Variants in MECOM observed in about 807,000 individuals in gnomAD.
MECOM encodes the protein histone-lysine N-methyltransferase MECOM.
In MECOM, 13 loss-of-function variants were observed where a neutral mutation model predicts 116.3. The ratio of observed to expected loss-of-function variants is 0.11; its 90% confidence interval spans 0.07 to 0.18. The LOEUF is 0.18. Among genes scored for constraint, MECOM ranks in the 10% least tolerant of loss-of-function variants. The pLI is 1.00. For missense variants in MECOM, 1,299 were observed against 1,509.0 expected, an observed-to-expected ratio of 0.86 and a Z score of 2.31; for synonymous variants, 528 against 535.2, an observed-to-expected ratio of 0.99 and a Z score of 0.19.
intron 2 of MECOM, among the ~76,000 whole-genome samples, chr3:169,234,946 A>G (rs1352364285): frequency 6.6e-6 from 1 of 152,174 alleles, no homozygotes; most frequent in Non-Finnish European, 1.5e-5. Flanking sequence ...ATCTCACTTC[A>G]GTTGTTTTTA....
At chr3:169,576,826 CACACACACACACAG>C (rs200784825) in intron 1 of MECOM, among the ~76,000 whole-genome samples, 6,904 of 129,256 alleles carry the variant, frequency 0.053, 290 homozygotes, top group East Asian at 0.28. Flanking sequence ...CACACACACA[CACACACACACACAG>C]AGAGAGAGAG....
Position 169,124,087 on chromosome 3 carries a change from G to A in MECOM, c.831-1360C>T, listed in dbSNP as rs185185222. Among the ~76,000 whole-genome samples, 330 of 152,170 alleles carry A rather than the reference G, an allele frequency of 2.2e-3. 1 individual carries two copies. Among genetic ancestry groups the A allele is most frequent in the South Asian group, 0.016 (77 of 4,820 alleles). On this transcript the variant is annotated intron_variant, in intron 5 of 16. Coordinates refer to ENST00000651503, the MANE Select transcript of MECOM (RefSeq NM_004991.4). ...ACAATGATAGAGTTAGAGTACATTC[G>A]TTTTGAAGCTCCTAAAGAATTAATG... is the stretch of plus-strand genomic sequence containing the variant.
At chr3:169,322,378 G>C (rs67746877) in intron 2 of MECOM, among the ~76,000 whole-genome samples, 36,320 of 151,972 alleles carry the variant, frequency 0.24, 4,484 homozygotes, top group African/African-American at 0.28. Context: ...TCACAAAGAG[G>C]CTCTAGGGCT....
Position 169,525,098 on chromosome 3 carries a change from G to T in MECOM, c.37+138238C>A, listed in dbSNP as rs75921277. The stretch of plus-strand genomic sequence containing the variant: ...TATATTTACCATATCAAGAAATAAC[G>T]GAGTTTCTAATATCACAGAAACAAA... On this transcript the variant is annotated intron_variant, in intron 1 of 16. Transcript: ENST00000651503. Among the ~76,000 whole-genome samples, 3 of 151,902 alleles carry T rather than the reference G, an allele frequency of 2.0e-5. No individual in the cohort carries two copies. In the South Asian group the frequency reaches 6.2e-4, roughly 31 times the overall value.
chr3:169,272,990 C>G (rs1187213851), intron 2 of MECOM, among the ~76,000 whole-genome samples: 1 of 152,128 alleles, frequency 6.6e-6, no homozygotes, highest in Non-Finnish European at 1.5e-5. Context: ...AGAAACACCT[C>G]ATCCCCTTAA....
At position 169,139,085 on chromosome 3, in the gene MECOM, G is replaced by A. The variant is rs896393510; in HGVS notation, c.510+4613C>T. 4.6e-5 allele frequency among the ~76,000 whole-genome samples: 7 copies of A among 152,148 alleles called. No individual in the cohort carries two copies. The East Asian group carries it at 5.8e-4, about 13-fold the overall frequency. Reference sequence around the variant, plus strand: ...GAAAACACTGTAGAGTCTTGTTGCCGTTCATTAACCACAAGGGAGCTGGCA... The same window carrying A: ...GAAAACACTGTAGAGTCTTGTTGCCATTCATTAACCACAAGGGAGCTGGCA... On this transcript the variant is annotated intron_variant, in intron 3 of 16. Transcript: ENST00000651503.
At chr3:169,097,817 TAAAAAAAAAAA>T (rs539873617) in intron 12 of MECOM, among the ~76,000 whole-genome samples, 11 of 87,194 alleles carry the variant, frequency 1.3e-4, no homozygotes, top group Non-Finnish European at 2.0e-4. Flanking sequence ...ACTGTCTATA[TAAAAAAAAAAA>T]AAAAAAAAAA....
At chr3:169,504,875 A>G (rs1454575013) in intron 1 of MECOM, among the ~76,000 whole-genome samples, 1 of 152,244 alleles carries the variant, frequency 6.6e-6, no homozygotes, top group East Asian at 1.9e-4. Context: ...CAACATAAGC[A>G]TATAAATAAA....
At chr3:169,211,161 A>G (rs1750677956) in intron 2 of MECOM, among the ~76,000 whole-genome samples, 1 of 152,154 alleles carries the variant, frequency 6.6e-6, no homozygotes, top group African/African-American at 2.4e-5. Context: ...GTATACAGTA[A>G]GAAACTTCTA....
intron 2 of MECOM, chr3:169,147,366 G>T: frequency 1.0e-6 from 1 of 985,498 alleles, no homozygotes; most frequent in Non-Finnish European, 1.2e-6. Context: ...CAGCCGCCGG[G>T]TTTCTATTTC....
At chr3:169,228,022 G>C (rs11712167) in intron 2 of MECOM, among the ~76,000 whole-genome samples, 12,593 of 152,182 alleles carry the variant, frequency 0.083, 716 homozygotes, top group East Asian at 0.31. Context: ...TGCTGGGAAC[G>C]CCAGAGAACC....
chr3:169,215,576 G>A (rs940599766), intron 2 of MECOM, among the ~76,000 whole-genome samples: 1 of 152,124 alleles, frequency 6.6e-6, no homozygotes, highest in African/African-American at 2.4e-5. Flanking sequence ...TATGCTCATT[G>A]ACTTTTTACT....
intron 1 of MECOM, among the ~76,000 whole-genome samples, chr3:169,630,621 T>C (rs1385106531): frequency 2.6e-5 from 4 of 152,096 alleles, no homozygotes; most frequent in African/African-American, 9.7e-5. Context: ...TCCAGCTTAT[T>C]TTGTATTTTT....
At chr3:169,313,917 G>A (rs1719259057) in intron 2 of MECOM, among the ~76,000 whole-genome samples, 1 of 152,180 alleles carries the variant, frequency 6.6e-6, no homozygotes, top group Non-Finnish European at 1.5e-5. Context: ...CGGGACAACT[G>A]ACAGGACCAA....
chr3:169,590,001 C>A (rs112732509), intron 1 of MECOM, among the ~76,000 whole-genome samples: 1,592 of 152,328 alleles, frequency 0.01, 16 homozygotes, highest in Middle Eastern at 0.02. Context: ...CAGCACTACC[C>A]TTTCTTGGCA....
rs139884891 is a variant in MECOM, at chr3:169,649,642, A to G, written c.37+13694T>C. ...ATGCCTTACATATGCTAGGTACTTG[A>G]TAACTATTCATTAATTCAATTTGAT... is the stretch of plus-strand genomic sequence containing the variant. On this transcript the variant is annotated intron_variant, in intron 1 of 16. Coordinates refer to ENST00000651503, the MANE Select transcript of MECOM (RefSeq NM_004991.4). Among the ~76,000 whole-genome samples, 30 of 152,262 alleles carry G rather than the reference A, an allele frequency of 2.0e-4. No homozygotes were observed. The East Asian group carries it at 5.4e-3, about 27-fold the overall frequency.
intron 2 of MECOM, among the ~76,000 whole-genome samples, chr3:169,185,624 C>A (rs1746602117): frequency 6.6e-6 from 1 of 152,152 alleles, no homozygotes; most frequent in African/African-American, 2.4e-5. Context: ...TTGAAGGCTT[C>A]TTTTCTACGG....
intron 2 of MECOM, among the ~76,000 whole-genome samples, chr3:169,250,730 CAACT>C (rs889999077): frequency 1.3e-5 from 2 of 151,862 alleles, no homozygotes; most frequent in African/African-American, 4.8e-5. Context: ...GAACTATGGC[CAACT>C]AACTGAAATT....
At chr3:169,252,553 G>A (rs1756381580) in intron 2 of MECOM, among the ~76,000 whole-genome samples, 1 of 151,030 alleles carries the variant, frequency 6.6e-6, no homozygotes, top group Non-Finnish European at 1.5e-5. Flanking sequence ...TATAAATATT[G>A]TATCTATATA....
Sources: allele counts gnomAD v4.1 joint callset (sites outside exome capture counted in the v4.1 genomes callset), GRCh38; gene constraint gnomAD v4.1.1; transcripts MANE v1.5; gene names NCBI Gene and HGNC (gene_info 2026-07-23, HGNC 2026-07-21).